SNX29: variants seen among roughly 807,000 people sequenced by gnomAD.
The protein encoded by SNX29 is sorting nexin-29.
Under a neutral mutation model 102.1 loss-of-function variants are expected in SNX29, and 78 were observed. The observed-to-expected ratio is 0.76, with a 90% confidence interval of 0.64 to 0.92. The LOEUF (loss-of-function observed/expected upper bound fraction) is 0.92. Among genes scored for constraint, SNX29 ranks in the 40% least tolerant of loss-of-function variants. SNX29 has a pLI of 0.00. For synonymous variants in SNX29, 580 were observed against 414.5 expected, an observed-to-expected ratio of 1.40 and a Z score of -4.85; for missense variants, 1,280 against 1,061.7, an observed-to-expected ratio of 1.21 and a Z score of -2.86.
Position 12,573,006 on chromosome 16 carries a change from AAT to A in SNX29, c.*4380_*4381del, listed in dbSNP as rs1223309068. 6.3e-6 allele frequency: 2 copies of A among 319,478 alleles called. No homozygotes were observed. The highest frequency in any genetic ancestry group is 4.3e-5 in the African/African-American group (2 of 46,720). The allele number at this position is 319,478 out of a possible 1,614,324, so 19.8% of individuals were successfully genotyped here. A position where few individuals can be genotyped will look rare whatever the true frequency, so the allele number is the denominator to read the frequency against. ...CATTAATTCATTAAAGCTACTGTTA[AAT>A]ATTTGCTGTTTTTAGATTGGCGTCC... On this transcript the variant is annotated 3_prime_UTR_variant, in exon 21 of 21. Transcript: ENST00000566228.
chr16:12,441,747 T>C (rs1489969832), intron 18 of SNX29, among the ~76,000 whole-genome samples: 2 of 152,210 alleles, frequency 1.3e-5, no homozygotes, highest in East Asian at 3.8e-4. Context: ...GAGAGTTTTA[T>C]AGTTTCAACT....
chr16:12,004,611 C>G (rs539251078), intron 3 of SNX29, among the ~76,000 whole-genome samples: 10 of 152,270 alleles, frequency 6.6e-5, no homozygotes, highest in African/African-American at 2.4e-4. Context: ...TCATCTCATC[C>G]TGGAAACTGT....
At chr16:12,352,108 A>T (rs1261318971) in intron 15 of SNX29, among the ~76,000 whole-genome samples, 1 of 152,224 alleles carries the variant, frequency 6.6e-6, no homozygotes, top group African/African-American at 2.4e-5. Context: ...ATAGACTTGG[A>T]ACCCACCCAA....
chr16:12,054,218 G>A (rs1478225094), intron 8 of SNX29, among the ~76,000 whole-genome samples: 4 of 152,166 alleles, frequency 2.6e-5, no homozygotes, highest in Non-Finnish European at 5.9e-5. Context: ...TGCCCGCCTT[G>A]GCCTCCCAAA....
At chr16:12,436,405 C>T (rs369665142) in intron 18 of SNX29, among the ~76,000 whole-genome samples, 3 of 152,228 alleles carry the variant, frequency 2.0e-5, no homozygotes, top group Non-Finnish European at 4.4e-5. Flanking sequence ...GTGACATTTC[C>T]GTGTGTAAGG....
chr16:12,323,996 C>A (rs2151186538), intron 15 of SNX29, among the ~76,000 whole-genome samples: 1 of 152,090 alleles, frequency 6.6e-6, no homozygotes, highest in African/African-American at 2.4e-5. Flanking sequence ...TCAAACTGAT[C>A]CTAGAGAAGA....
At chr16:12,115,709 A>G (rs930206884) in intron 11 of SNX29, among the ~76,000 whole-genome samples, 2 of 152,192 alleles carry the variant, frequency 1.3e-5, no homozygotes, top group African/African-American at 4.8e-5. Flanking sequence ...GAGCCATCTA[A>G]TTAACACCTG....
chr16:12,101,331 T>A (rs2053005994), intron 11 of SNX29, among the ~76,000 whole-genome samples: 1 of 127,214 alleles, frequency 7.9e-6, no homozygotes, highest in Admixed American at 8.6e-5. Flanking sequence ...TGCAGAACCT[T>A]TAGCATCTCT....
intron 14 of SNX29, among the ~76,000 whole-genome samples, chr16:12,263,167 T>C (rs554112930): frequency 6.6e-6 from 1 of 151,296 alleles, no homozygotes; most frequent in East Asian, 1.9e-4. Flanking sequence ...GATCTCACTC[T>C]GTCACCCAAG....
At chr16:12,475,866 A>C (rs546377170) in intron 18 of SNX29, among the ~76,000 whole-genome samples, 2 of 152,358 alleles carry the variant, frequency 1.3e-5, no homozygotes, top group East Asian at 1.9e-4. Context: ...AAAACAAATG[A>C]ATGTGGCTGA....
chr16:12,409,979 T>A (rs1449445396), intron 18 of SNX29, among the ~76,000 whole-genome samples: 1 of 151,540 alleles, frequency 6.6e-6, no homozygotes, highest in Non-Finnish European at 1.5e-5. Flanking sequence ...CAGCAAAGCG[T>A]TTTTTTTGTT....
rs146465887 is a variant in SNX29 at position 12,571,940 on chromosome 16, T to G, written c.*3311T>G. On this transcript the variant is annotated 3_prime_UTR_variant, in exon 21 of 21. Transcript: ENST00000566228. ...CAGGCCCTGGTGAAGGAAGACACTT[T>G]CAGGGAAGAGGCTCTTACAGTCTAT... The G allele has an allele frequency of 9.4e-7, 1 of 1,061,928 alleles. No individual in the cohort carries two copies. Among genetic ancestry groups the G allele is most frequent in the Non-Finnish European group, 1.1e-6 (1 of 877,204 alleles). 65.8% of individuals were successfully genotyped at this position (1,061,928 alleles called of 1,614,324 possible).
chr16:12,483,114 G>GTTTTTGTTTT lies in SNX29; in HGVS notation c.2178+5260_2178+5261insGTTTTTTTTT, dbSNP rs71139598. Among the ~76,000 whole-genome samples, 327 of 66,204 alleles carry GTTTTTGTTTT rather than the reference G, an allele frequency of 4.9e-3. 31 individuals are homozygous for GTTTTTGTTTT. Among genetic ancestry groups the GTTTTTGTTTT allele is most frequent in the South Asian group, 0.015 (22 of 1,484 alleles). The allele number at this position is 66,204 out of a possible 152,430, so 43.4% of individuals were successfully genotyped here. On this transcript the variant is annotated intron_variant, in intron 19 of 20. Coordinates refer to ENST00000566228, the MANE Select transcript of SNX29 (RefSeq NM_032167.5). ...AATAGATACATATTGAAGTTATTAA[G>GTTTTTGTTTT]TTTTTTTTTTTTTTTTTTTTTTTTT...
intron 13 of SNX29, among the ~76,000 whole-genome samples, chr16:12,147,496 A>G (rs2055113686): frequency 6.6e-6 from 1 of 152,208 alleles, no homozygotes; most frequent in South Asian, 2.1e-4. Context: ...AGAGAGAAAG[A>G]AAAATAGCAG....
chr16:12,035,895 C>G (rs1291460555), intron 4 of SNX29, among the ~76,000 whole-genome samples: 1 of 152,132 alleles, frequency 6.6e-6, no homozygotes, highest in South Asian at 2.1e-4. Context: ...GGCTTCATCC[C>G]GTTCCCTTTC....
At chr16:12,389,148 C>G (rs2083438147) in intron 16 of SNX29, among the ~76,000 whole-genome samples, 1 of 152,192 alleles carries the variant, frequency 6.6e-6, no homozygotes, top group South Asian at 2.1e-4. Context: ...CGAGCCAGTT[C>G]AGATTCTCGG....
chr16:12,370,668 T>C (rs1365857195), intron 16 of SNX29, among the ~76,000 whole-genome samples: 1 of 152,216 alleles, frequency 6.6e-6, no homozygotes, highest in African/African-American at 2.4e-5. Flanking sequence ...TTCCGGCGTG[T>C]TCTGGGAGGC....
intron 1 of SNX29, among the ~76,000 whole-genome samples, chr16:11,981,578 G>A (rs558750175): frequency 2.0e-5 from 3 of 152,234 alleles, no homozygotes; most frequent in African/African-American, 7.2e-5. Flanking sequence ...GGCATAAAGT[G>A]TTTTTCAGTC....
At chr16:12,304,809 C>G (rs1044431246) in intron 15 of SNX29, among the ~76,000 whole-genome samples, 43 of 152,182 alleles carry the variant, frequency 2.8e-4, no homozygotes, top group African/African-American at 1.0e-3. Flanking sequence ...AGGATATGAA[C>G]TATAAACTCT....
Sources: allele counts gnomAD v4.1 joint callset (sites outside exome capture counted in the v4.1 genomes callset), GRCh38; gene constraint gnomAD v4.1.1; transcripts MANE v1.5; gene names NCBI Gene and HGNC (gene_info 2026-07-23, HGNC 2026-07-21).